Variants in MARCHF4 observed in about 807,000 individuals in gnomAD.
MARCHF4 encodes the protein membrane associated ring-CH-type finger 4.
MARCHF4 carries 14 observed loss-of-function variants against 43.9 expected under a neutral mutation model. That is an observed-to-expected ratio of 0.32 (90% CI 0.21 to 0.50). The LOEUF is 0.50. Among genes scored for constraint, MARCHF4 ranks in the 20% least tolerant of loss-of-function variants. MARCHF4 has a pLI of 0.98. For missense variants in MARCHF4, 468 were observed against 536.7 expected (o/e 0.87, Z 1.27); for synonymous variants, 226 against 213.3 (o/e 1.06, Z -0.52).
In MARCHF4 at chr2:216,372,384, G is replaced by T. The variant is rs1433920962; in HGVS notation, c.-2124C>A. On this transcript the variant is annotated 5_prime_UTR_variant, in exon 1 of 4. Transcript: ENST00000273067. The stretch of plus-strand genomic sequence containing the variant: ...CACCCAGACCCCGCGCGTCACGCTC[G>T]TGGGGGCCTGACGCAGACGCCGCGG... 2.6e-5 allele frequency among the ~76,000 whole-genome samples: 4 copies of T among 152,176 alleles called. No individual in the cohort carries two copies. The East Asian group carries it at 5.8e-4, about 22-fold the overall frequency.
At chr2:216,324,411 T>C (rs1691953718) in intron 1 of MARCHF4, among the ~76,000 whole-genome samples, 1 of 151,226 alleles carries the variant, frequency 6.6e-6, no homozygotes, top group African/African-American at 2.4e-5. Flanking sequence ...TACCATTCCT[T>C]CTGAAACTAT....
intron 1 of MARCHF4, among the ~76,000 whole-genome samples, chr2:216,350,966 GCCCAGAACCCAAAC>G (rs1383571484): frequency 6.6e-6 from 1 of 152,120 alleles, no homozygotes; most frequent in African/African-American, 2.4e-5. Context: ...GGAGCCAGGA[GCCCAGAACCCAAAC>G]CCCAGTCTTA....
In MARCHF4 at chr2:216,356,437, G is replaced by A. The variant is rs1390540432; in HGVS notation, c.516+13308C>T. On this transcript the variant is annotated intron_variant, in intron 1 of 3. Coordinates refer to ENST00000273067, the MANE Select transcript of MARCHF4 (RefSeq NM_020814.3). ...GAGCCCATTTCATGCACGGTGCTAC[G>A]TATTGTCTTCTTAAATTCCACACAG... Among the ~76,000 whole-genome samples, 6 of 152,298 alleles carry A rather than the reference G, an allele frequency of 3.9e-5. No individual in the cohort carries two copies. The South Asian group carries it at 6.2e-4, about 16-fold the overall frequency.
At chr2:216,262,706 A>T (rs746915094) in intron 3 of MARCHF4, among the ~76,000 whole-genome samples, 27 of 152,284 alleles carry the variant, frequency 1.8e-4, no homozygotes, top group Admixed American at 7.8e-4. Context: ...AATTGGAAAG[A>T]CTATCTGCAT....
At chr2:216,302,892 T>A (rs1229180667) in intron 1 of MARCHF4, among the ~76,000 whole-genome samples, 1 of 126,890 alleles carries the variant, frequency 7.9e-6, no homozygotes, top group Non-Finnish European at 1.6e-5. Context: ...GGTGAGACTC[T>A]GTATCAAAAA....
intron 1 of MARCHF4, among the ~76,000 whole-genome samples, chr2:216,320,236 A>G (rs548661963): frequency 6.6e-6 from 1 of 152,360 alleles, no homozygotes; most frequent in Middle Eastern, 3.4e-3. Context: ...AGAAAGAAGG[A>G]TGCCATGTAT....
intron 1 of MARCHF4, among the ~76,000 whole-genome samples, chr2:216,305,182 A>G (rs1327888836): frequency 6.6e-6 from 1 of 152,230 alleles, no homozygotes; most frequent in African/African-American, 2.4e-5. Flanking sequence ...GACTATGTGT[A>G]AGGCATGGCA....
intron 1 of MARCHF4, among the ~76,000 whole-genome samples, chr2:216,292,147 A>T (rs1325925013): frequency 1.3e-5 from 2 of 152,120 alleles, no homozygotes; most frequent in African/African-American, 4.8e-5. Context: ...GGATTATTTG[A>T]TGTGTGTTTA....
intron 1 of MARCHF4, among the ~76,000 whole-genome samples, chr2:216,359,867 T>C (rs1318460031): frequency 6.6e-6 from 1 of 152,228 alleles, no homozygotes; most frequent in Non-Finnish European, 1.5e-5. Flanking sequence ...CTCTTATTAA[T>C]TGAACTCTGC....
chr2:216,342,786 G>A (rs1317739278), intron 1 of MARCHF4, among the ~76,000 whole-genome samples: 3 of 152,106 alleles, frequency 2.0e-5, no homozygotes, highest in Non-Finnish European at 2.9e-5. Flanking sequence ...AAGTGTGGCC[G>A]CACGGTACAC....
At chr2:216,283,880 C>G in intron 1 of MARCHF4, 151 bp from the exon 2 acceptor site, 1 of 809,038 alleles carries the variant, frequency 1.2e-6, no homozygotes, top group Non-Finnish European at 1.9e-6. Flanking sequence ...TGGAGGAGGC[C>G]TGGGCTCCTG....
chr2:216,342,078 G>A (rs1412264094), intron 1 of MARCHF4, among the ~76,000 whole-genome samples: 1 of 152,144 alleles, frequency 6.6e-6, no homozygotes, highest in Non-Finnish European at 1.5e-5. Flanking sequence ...TTCAAGAGGA[G>A]TCCGATCTGA....
chr2:216,338,587 T>C (rs1692192601), intron 1 of MARCHF4, among the ~76,000 whole-genome samples: 3 of 152,214 alleles, frequency 2.0e-5, no homozygotes, highest in Admixed American at 2.0e-4. Flanking sequence ...GGCACTGCCT[T>C]CCTACATTCC....
chr2:216,266,145 A>T (rs1690841330), intron 3 of MARCHF4: 1 of 152,340 alleles, frequency 6.6e-6, no homozygotes, highest in East Asian at 1.9e-4. Context: ...ACTAAGAGTT[A>T]ACTTACCAGT....
At chr2:216,284,463 T>TTTTG (rs949816626) in intron 1 of MARCHF4, among the ~76,000 whole-genome samples, 78 of 152,206 alleles carry the variant, frequency 5.1e-4, no homozygotes, top group African/African-American at 1.8e-3. Context: ...AACCTGTGTT[T>TTTTG]TTTGTTTGTT....
intron 3 of MARCHF4, among the ~76,000 whole-genome samples, chr2:216,261,493 C>G (rs991802552): frequency 3.9e-5 from 6 of 152,318 alleles, no homozygotes; most frequent in African/African-American, 1.4e-4. Flanking sequence ...TTAAATTAAT[C>G]ACATTGGCGA....
intron 1 of MARCHF4, among the ~76,000 whole-genome samples, chr2:216,339,239 A>T (rs950170870): frequency 2.0e-5 from 3 of 152,212 alleles, no homozygotes; most frequent in Non-Finnish European, 4.4e-5. Context: ...ATGGGAGAAG[A>T]CAGTAAATGA....
At chr2:216,304,471 T>C (rs1203896155) in intron 1 of MARCHF4, among the ~76,000 whole-genome samples, 2 of 152,202 alleles carry the variant, frequency 1.3e-5, no homozygotes, top group African/African-American at 4.8e-5. Flanking sequence ...CTGTTTGTAA[T>C]GACCGAGGAC....
intron 1 of MARCHF4, among the ~76,000 whole-genome samples, chr2:216,312,031 G>T (rs947113434): frequency 4.6e-5 from 7 of 152,120 alleles, no homozygotes; most frequent in African/African-American, 7.2e-5. Context: ...TGTTACATGG[G>T]TATATTGTGT....
Sources: allele counts gnomAD v4.1 joint callset (sites outside exome capture counted in the v4.1 genomes callset), GRCh38; gene constraint gnomAD v4.1.1; transcripts MANE v1.5; gene names NCBI Gene and HGNC (gene_info 2026-07-23, HGNC 2026-07-21).